The following DDX43 variants were observed in gnomAD, a reference collection of about 807,000 sequenced individuals.
The protein encoded by DDX43 is DEAD-box helicase 43, also known as probable ATP-dependent RNA helicase DDX43.
A neutral mutation model predicts 84.9 loss-of-function variants in DDX43; 50 were observed. That is an observed-to-expected ratio of 0.59 (90% confidence interval 0.47 to 0.75). DDX43 has a LOEUF of 0.75. DDX43 is among the 30% of genes least tolerant of loss of function. The pLI is 0.00. For missense variants in DDX43, 689 were observed against 798.6 expected (o/e 0.86, Z 1.65); for synonymous variants, 291 against 266.3 (o/e 1.09, Z -0.90).
chr6:73,412,205 T>G lies in DDX43; in HGVS notation c.1281T>G (p.Ser427Arg). The G allele has an allele frequency of 6.2e-7, 1 of 1,610,662 alleles. No individual in the cohort carries two copies. The highest frequency in any genetic ancestry group is 2.2e-5 in the East Asian group (1 of 44,802). ...TAATGTTTGTAACTTGTATTCCCAG[T>G]GCTACATGGCCTCATTCAGTTCATC... ...VRPDRQTVMT[S>R]ATWPHSVHRL... is the part of the protein sequence containing the mutation. Residue 427 changes from serine (S) to arginine (R), a missense_variant and splice_region_variant, in exon 11 of 17, where the codon AGT becomes AGG. Transcript: ENST00000370336.
In DDX43 at chr6:73,413,800, T is replaced by C. The variant is rs755034491; in HGVS notation, c.1496+15T>C. 17 of 1,607,980 alleles carry C rather than the reference T, an allele frequency of 1.1e-5. No individual in the cohort carries two copies. In the African/African-American group the frequency reaches 2.1e-4, roughly 20 times the overall value. On this transcript the variant is annotated intron_variant, in intron 12 of 16. Coordinates refer to ENST00000370336, the MANE Select transcript of DDX43 (RefSeq NM_018665.3). Reference sequence around the variant, plus strand: ...CGAAAAGCTGTGTAGGTATTTTTTCTTGTGTGTCCATTATAATTAATTAAA... The same window carrying C: ...CGAAAAGCTGTGTAGGTATTTTTTCCTGTGTGTCCATTATAATTAATTAAA...
chr6:73,395,189 G>C, intron 1 of DDX43, 34 bp downstream of exon 1: 1 of 1,573,214 alleles, frequency 6.4e-7, no homozygotes, highest in Non-Finnish European at 8.6e-7. Flanking sequence ...GGCAGGATAG[G>C]TGGGGCCAGG....
chr6:73,414,654 C>T lies in DDX43; in HGVS notation c.1713C>T (p.Tyr571=), dbSNP rs751830613. The T allele has an allele frequency of 2.7e-5, 43 of 1,613,604 alleles. No individual in the cohort carries two copies. The highest frequency in any genetic ancestry group is 3.2e-5 in the Non-Finnish European group (38 of 1,179,838). The part of the protein sequence containing the change: ...NFDFPRNIEE[Y]VHRIGRTGRA... The stretch of plus-strand genomic sequence containing the variant: ...ACTTTCCACGGAATATTGAAGAATA[C>T]GTACACCGAATAGGGCGCACGGGAA... The change falls in exon 14 of 17, where the codon TAC becomes TAT. Residue 571 remains tyrosine (Y), a synonymous_variant. Transcript: ENST00000370336.
chr6:73,411,251 G>T (rs1769780189), intron 10 of DDX43, among the ~76,000 whole-genome samples: 1 of 150,312 alleles, frequency 6.7e-6, no homozygotes, highest in Non-Finnish European at 1.5e-5. Context: ...TGAAAAATTG[G>T]AATTTTTTTG....
rs1285202760 is a variant in DDX43 at position 73,410,706 on chromosome 6, C to T, written c.1280+1358C>T. On this transcript the variant is annotated intron_variant, in intron 10 of 16. Transcript: ENST00000370336. ...CTTCCCAGCTCAAGCGATTCTCCCA[C>T]CTCAGCCTTCTGAGTAACTGGAACT... Among the ~76,000 whole-genome samples the T allele has an allele frequency of 3.9e-5, 6 of 152,304 alleles. No individual in the cohort carries two copies. The South Asian group carries it at 6.2e-4, about 16-fold the overall frequency.
chr6:73,400,144 G>A (rs1769537468), intron 2 of DDX43, 90 bp from the exon 3 acceptor site: 1 of 1,073,394 alleles, frequency 9.3e-7, no homozygotes, highest in Non-Finnish European at 1.3e-6. Context: ...TTGAAGTTGA[G>A]TGATTGTTGG....
At position 73,412,284 on chromosome 6, in the gene DDX43, G is replaced by C; in HGVS notation, c.1360G>C (p.Asp454His). 1 of 1,606,422 alleles carries C rather than the reference G, an allele frequency of 6.2e-7. No individual in the cohort carries two copies. ...AATGATTGTCTATGTTGGTACATTG[G>C]ATCTAGTTGTAAGCTTTTTTTTATT... is the stretch of plus-strand genomic sequence containing the variant. ...EPMIVYVGTL[D>H]LVAVSSVKQN... Residue 454 changes from aspartate (D) to histidine (H), a missense_variant, in exon 11 of 17, where the codon GAT (aspartate) becomes CAT (histidine). Coordinates refer to ENST00000370336, the MANE Select transcript of DDX43 (RefSeq NM_018665.3).
At chr6:73,414,197 A>G in intron 13 of DDX43, 118 bp downstream of exon 13, 1 of 656,174 alleles carries the variant, frequency 1.5e-6, no homozygotes, top group Non-Finnish European at 2.7e-6. Context: ...CACCTTCTGT[A>G]TCCTACAACT....
chr6:73,414,702 C>G lies in DDX43; in HGVS notation c.1745+16C>G. The G allele has an allele frequency of 1.2e-6, 2 of 1,600,834 alleles. No individual in the cohort carries two copies. Among genetic ancestry groups the G allele is most frequent in the Non-Finnish European group, 1.7e-6 (2 of 1,174,940 alleles). On this transcript the variant is annotated intron_variant, in intron 14 of 16. Coordinates refer to ENST00000370336, the MANE Select transcript of DDX43 (RefSeq NM_018665.3). Reference sequence around the variant, plus strand: ...GAAGAGCAGGGTAAGTAAGCTTAGTCCACCCATGAAAGGCCAATTCTAGAT... The same window carrying G: ...GAAGAGCAGGGTAAGTAAGCTTAGTGCACCCATGAAAGGCCAATTCTAGAT...
chr6:73,410,406 C>T (rs937413009), intron 10 of DDX43, among the ~76,000 whole-genome samples: 1 of 152,136 alleles, frequency 6.6e-6, no homozygotes, highest in Admixed American at 6.6e-5. Context: ...TCAGGTGATT[C>T]ATCTGTCTAG....
chr6:73,395,251 C>T lies in DDX43; in HGVS notation c.250+96C>T, dbSNP rs1168280478. 11 of 1,416,766 alleles carry T rather than the reference C, an allele frequency of 7.8e-6. No homozygotes were observed. The Admixed American group carries it at 1.1e-4, about 15-fold the overall frequency. The allele number at this position is 1,416,766 out of a possible 1,614,324, so 87.8% of individuals were successfully genotyped here. On this transcript the variant is annotated intron_variant, in intron 1 of 16. Transcript: ENST00000370336. ...TCCCCACTGCCTCACCTCCAATCAG[C>T]TGCCACCTAGTGAGGTTCAGGTCTC...
At position 73,413,717 on chromosome 6, in the gene DDX43, C is replaced by T. The variant is rs767618135; in HGVS notation, c.1428C>T (p.His476=). 3 of 1,613,782 alleles carry T rather than the reference C, an allele frequency of 1.9e-6. No individual in the cohort carries two copies. Among genetic ancestry groups the T allele is most frequent in the Non-Finnish European group, 2.5e-6 (3 of 1,179,808 alleles). Residue 476 remains histidine, a synonymous_variant, in exon 12 of 17, where the codon CAC becomes CAT. Coordinates refer to ENST00000370336, the MANE Select transcript of DDX43 (RefSeq NM_018665.3). ...IVTTEEEKWS[H]MQTFLQSMSS... ...CCACCGAGGAAGAGAAATGGAGTCA[C>T]ATGCAAACTTTTCTACAGAGTATGT...
intron 3 of DDX43, 26 bp from the exon 4 acceptor site, chr6:73,401,833 C>G (rs780713185): frequency 2.1e-6 from 3 of 1,420,134 alleles, no homozygotes; most frequent in African/African-American, 3.0e-5. Context: ...TAGAAAAAAA[C>G]TAATCGATAC....
intron 3 of DDX43, among the ~76,000 whole-genome samples, chr6:73,401,190 G>A (rs1247994767): frequency 6.6e-6 from 1 of 152,070 alleles, no homozygotes; most frequent in Non-Finnish European, 1.5e-5. Flanking sequence ...ACGTTGCCTA[G>A]GCTAGTCTTG....
intron 3 of DDX43, 139 bp downstream of exon 3, chr6:73,400,502 A>T (rs1268160498): frequency 4.2e-6 from 3 of 707,650 alleles, no homozygotes; most frequent in Non-Finnish European, 6.2e-6. Context: ...TTTACTATGA[A>T]TGAAAGCCCA....
At chr6:73,411,447 G>C (rs1022019054) in intron 10 of DDX43, among the ~76,000 whole-genome samples, 1 of 150,796 alleles carries the variant, frequency 6.6e-6, no homozygotes, top group Non-Finnish European at 1.5e-5. Context: ...TTCTGCCTCA[G>C]CCTCCCGAGT....
chr6:73,401,074 C>T (rs1350912693), intron 3 of DDX43, among the ~76,000 whole-genome samples: 2 of 152,070 alleles, frequency 1.3e-5, no homozygotes, highest in African/African-American at 2.4e-5. Context: ...ACCTCCTGGG[C>T]GGGAGTGATT....
intron 1 of DDX43, 36 bp downstream of exon 1, chr6:73,395,191 G>A (rs1458699632): frequency 1.3e-6 from 2 of 1,564,510 alleles, no homozygotes; most frequent in East Asian, 4.8e-5. Flanking sequence ...CAGGATAGGT[G>A]GGGCCAGGGG....
At chr6:73,413,508 C>A in intron 11 of DDX43, 150 bp from the exon 12 acceptor site, 1 of 619,536 alleles carries the variant, frequency 1.6e-6, no homozygotes, top group Non-Finnish European at 2.6e-6. Context: ...TGAGTAGAAA[C>A]AGGTAATTTT....
Sources: gnomAD v4.1 joint callset for allele counts (sites outside exome capture counted in the v4.1 genomes callset) on GRCh38, gnomAD v4.1.1 for gene constraint, MANE v1.5 for transcripts, NCBI Gene and HGNC (gene_info 2026-07-23, HGNC 2026-07-21) for gene names.